Variants in GRIP1 observed in about 807,000 individuals in gnomAD.
GRIP1 encodes the protein glutamate receptor-interacting protein 1.
In GRIP1, 45 loss-of-function variants were observed where a neutral mutation model predicts 129.9. That is an observed-to-expected ratio of 0.35 (90% CI 0.27 to 0.44). The LOEUF (loss-of-function observed/expected upper bound fraction) is 0.44, where lower values mean the gene tolerates loss of function less well. Ranked by LOEUF, GRIP1 falls within the 20% of genes least tolerant of loss-of-function variation. The pLI, the probability that GRIP1 is intolerant of heterozygous loss-of-function variation, is 1.00. For synonymous variants in GRIP1, 530 were observed against 520.8 expected (o/e 1.02, Z -0.24); for missense variants, 1,196 against 1,396.8 (o/e 0.86, Z 2.29).
intron 1 of GRIP1, among the ~76,000 whole-genome samples, chr12:66,909,829 C>T (rs1313852997): frequency 6.6e-6 from 1 of 152,168 alleles, no homozygotes; most frequent in Non-Finnish European, 1.5e-5. Context: ...CTTTAGTTAA[C>T]TGGCTGAACA....
chr12:66,657,310 C>T (rs1659875141), intron 1 of GRIP1, among the ~76,000 whole-genome samples: 1 of 152,192 alleles, frequency 6.6e-6, no homozygotes, highest in South Asian at 2.1e-4. Flanking sequence ...GCCCCATTCG[C>T]CGCCACACCA....
At position 66,678,995 on chromosome 12, in the gene GRIP1, T is replaced by C; in HGVS notation, c.-91A>G. On this transcript the variant is annotated 5_prime_UTR_variant, in exon 1 of 25. It removes an upstream start codon present in the reference 5' UTR. Transcript: ENST00000359742. The stretch of plus-strand genomic sequence containing the variant: ...GCAGCATATGAATTCCTTGCGCACA[T>C]ACCAGGAGAAAGGTAGTCCCAGTGG... 1 of 1,602,120 alleles carries C rather than the reference T, an allele frequency of 6.2e-7. No homozygotes were observed. The highest frequency in any genetic ancestry group is 8.5e-7 in the Non-Finnish European group (1 of 1,173,554).
At chr12:66,361,462 G>C (rs917402334) in intron 23 of GRIP1, among the ~76,000 whole-genome samples, 2 of 152,196 alleles carry the variant, frequency 1.3e-5, no homozygotes, top group Non-Finnish European at 2.9e-5. Flanking sequence ...GGCAGACTTA[G>C]GTGCTGCCTT....
intron 14 of GRIP1, among the ~76,000 whole-genome samples, chr12:66,422,512 A>G (rs1457928836): frequency 6.6e-6 from 1 of 152,232 alleles, no homozygotes; most frequent in African/African-American, 2.4e-5. Context: ...GCATCTGCCA[A>G]TGAATTGACA....
intron 17 of GRIP1, 71 bp downstream of exon 17, chr12:66,394,137 T>A (rs1033377342): frequency 7.2e-7 from 1 of 1,393,114 alleles, no homozygotes; most frequent in African/African-American, 1.4e-5. Context: ...GAGGAGCATG[T>A]TTTTATGTGG....
intron 1 of GRIP1, among the ~76,000 whole-genome samples, chr12:66,948,200 T>C (rs552428093): frequency 6.6e-6 from 1 of 152,326 alleles, no homozygotes; most frequent in African/African-American, 2.4e-5. Context: ...ACTAGAAATA[T>C]TTTAATACTT....
intron 1 of GRIP1, among the ~76,000 whole-genome samples, chr12:67,064,165 C>T (rs2043582756): frequency 6.6e-6 from 1 of 152,166 alleles, no homozygotes; most frequent in African/African-American, 2.4e-5. Context: ...ACACATCTAC[C>T]TTGCAAAAGC....
At chr12:66,567,368 TC>T (rs1237980883) in intron 2 of GRIP1, among the ~76,000 whole-genome samples, 1 of 152,232 alleles carries the variant, frequency 6.6e-6, no homozygotes, top group South Asian at 2.1e-4. Context: ...ATTTCTGCCT[TC>T]ATTTCATTAT....
chr12:66,894,329 C>T (rs2040710866), intron 1 of GRIP1, among the ~76,000 whole-genome samples: 1 of 152,118 alleles, frequency 6.6e-6, no homozygotes, highest in South Asian at 2.1e-4. Context: ...TACCCAACAG[C>T]GTCTACCCCC....
intron 1 of GRIP1, among the ~76,000 whole-genome samples, chr12:66,834,472 A>G (rs572374743): frequency 6.6e-6 from 1 of 152,336 alleles, no homozygotes; most frequent in South Asian, 2.1e-4. Flanking sequence ...GTAAAGGCTT[A>G]AAAACTCTAG....
chr12:66,951,550 C>T (rs910517174), intron 1 of GRIP1, among the ~76,000 whole-genome samples: 3 of 152,132 alleles, frequency 2.0e-5, no homozygotes, highest in Non-Finnish European at 4.4e-5. Flanking sequence ...AGGATTTTTA[C>T]TTAAAAAGGG....
intron 2 of GRIP1, among the ~76,000 whole-genome samples, chr12:66,559,895 A>G (rs2062460467): frequency 6.6e-6 from 1 of 152,128 alleles, no homozygotes; most frequent in Non-Finnish European, 1.5e-5. Context: ...AACTGGATGG[A>G]TCACATTACC....
chr12:66,424,820 T>C (rs1362067956), intron 14 of GRIP1, among the ~76,000 whole-genome samples: 1 of 152,236 alleles, frequency 6.6e-6, no homozygotes, highest in African/African-American at 2.4e-5. Flanking sequence ...CTTCTCTCAA[T>C]GTGTCAAATC....
intron 7 of GRIP1, among the ~76,000 whole-genome samples, chr12:66,478,796 G>T (rs2059705447): frequency 6.6e-6 from 1 of 152,158 alleles, no homozygotes; most frequent in African/African-American, 2.4e-5. Flanking sequence ...ACCAAACACT[G>T]CATGTTCTCA....
intron 13 of GRIP1, among the ~76,000 whole-genome samples, chr12:66,436,473 G>A (rs773041992): frequency 9.9e-5 from 15 of 152,094 alleles, no homozygotes; most frequent in Non-Finnish European, 1.8e-4. Flanking sequence ...TTGGAGATGG[G>A]TGTTTAAAAG....
At chr12:67,007,556 G>A (rs944805633) in intron 1 of GRIP1, among the ~76,000 whole-genome samples, 1 of 152,156 alleles carries the variant, frequency 6.6e-6, no homozygotes, top group Admixed American at 6.6e-5. Context: ...TATGATGTCG[G>A]TGTTGAGACT....
intron 1 of GRIP1, among the ~76,000 whole-genome samples, chr12:66,653,122 C>T (rs2032916630): frequency 1.3e-5 from 2 of 152,094 alleles, no homozygotes; most frequent in African/African-American, 4.8e-5. Context: ...AGAGTTGAAT[C>T]CTTGGATTTC....
chr12:67,012,640 A>T (rs1283513236), intron 1 of GRIP1, among the ~76,000 whole-genome samples: 1 of 152,214 alleles, frequency 6.6e-6, no homozygotes, highest in East Asian at 1.9e-4. Context: ...GTTTGCAGAT[A>T]AGCAAGGTGA....
chr12:66,518,590 A>T (rs1342517682), intron 5 of GRIP1, among the ~76,000 whole-genome samples: 1 of 152,174 alleles, frequency 6.6e-6, no homozygotes, highest in East Asian at 1.9e-4. Context: ...ATGTTTCAAG[A>T]TGGAAGGTAA....
Sources: allele counts gnomAD v4.1 joint callset (sites outside exome capture counted in the v4.1 genomes callset), GRCh38; gene constraint gnomAD v4.1.1; transcripts MANE v1.5; gene names NCBI Gene and HGNC (gene_info 2026-07-23, HGNC 2026-07-21).